The following DOCK11 variants were observed in gnomAD, a reference collection of about 807,000 sequenced individuals.
The protein encoded by DOCK11 is dedicator of cytokinesis 11.
A neutral mutation model predicts 169.1 loss-of-function variants in DOCK11; 70 were observed. That is an observed-to-expected ratio of 0.41 (90% CI 0.34 to 0.51). DOCK11 has a LOEUF of 0.51. DOCK11 is among the 20% of genes least tolerant of loss of function. The probability of loss-of-function intolerance (pLI) is 0.10; values close to 1 mark genes in which losing one functional copy is unlikely to be tolerated. For synonymous variants in DOCK11, 529 were observed against 541.3 expected (o/e 0.98, Z 0.32); for missense variants, 1,166 against 1,538.8 (o/e 0.76, Z 4.05).
chrX:118,577,297 G>A (rs746700758), intron 12 of DOCK11, among the ~76,000 whole-genome samples: 4 of 112,097 alleles, frequency 3.6e-5, no homozygotes, highest in African/African-American at 1.3e-4. Context: ...GCATGTTCCC[G>A]GCAGTACCCG....
chrX:118,614,467 T>C (rs191218104), intron 28 of DOCK11, among the ~76,000 whole-genome samples: 37 of 111,824 alleles, frequency 3.3e-4, no homozygotes, highest in African/African-American at 1.1e-3. Flanking sequence ...TACATCTTGT[T>C]CTGAAAACTG....
rs550844405 is a variant in DOCK11 at position 118,641,322 on chromosome X, A to G, written c.4260+17A>G. On this transcript the variant is annotated intron_variant, in intron 39 of 52. Coordinates refer to ENST00000276202, the MANE Select transcript of DOCK11 (RefSeq NM_144658.4). ...TGCTTCAAGGTAAAAATGAAGAGTT[A>G]TAATTCAGTTGGTACCATTGCAAAG... 9.2e-7 allele frequency: 1 copy of G among 1,085,877 alleles called. No individual in the cohort carries two copies. The highest frequency in any genetic ancestry group is 1.3e-6 in the Non-Finnish European group (1 of 782,893). 89.5% of individuals were successfully genotyped at this position (1,085,877 alleles called of 1,213,427 possible). A position where few individuals can be genotyped will look rare whatever the true frequency, so the allele number is the denominator to read the frequency against.
intron 1 of DOCK11, among the ~76,000 whole-genome samples, chrX:118,517,705 A>G (rs980615691): frequency 6.3e-5 from 7 of 111,545 alleles, no homozygotes; most frequent in African/African-American, 2.3e-4. Flanking sequence ...CTGCTAGATC[A>G]TTAAAATTAG....
intron 1 of DOCK11, among the ~76,000 whole-genome samples, chrX:118,515,104 A>C (rs2057674130): frequency 8.9e-6 from 1 of 111,992 alleles, no homozygotes; most frequent in Admixed American, 9.4e-5. Context: ...CTCTGTGGTC[A>C]CATTGCCACC....
chrX:118,597,940 T>C (rs1163956141), intron 21 of DOCK11, 90 bp from the exon 22 acceptor site: 2 of 686,804 alleles, frequency 2.9e-6, no homozygotes, highest in African/African-American at 4.4e-5. Context: ...ATACATTCAT[T>C]TCTGAAAAAA....
At chrX:118,536,410 A>G (rs775154253) in intron 1 of DOCK11, among the ~76,000 whole-genome samples, 1 of 111,838 alleles carries the variant, frequency 8.9e-6, no homozygotes, top group Non-Finnish European at 1.9e-5. Context: ...TGTGAATCAT[A>G]ATGCAACTTT....
At chrX:118,601,222 G>A (rs2014327462) in intron 23 of DOCK11, among the ~76,000 whole-genome samples, 1 of 110,166 alleles carries the variant, frequency 9.1e-6, no homozygotes, top group Admixed American at 9.6e-5. Context: ...CCAGGAGTTC[G>A]AGACCAGCCT....
chrX:118,573,571 C>T (rs940068471), intron 11 of DOCK11, among the ~76,000 whole-genome samples: 7 of 111,874 alleles, frequency 6.3e-5, no homozygotes, highest in Non-Finnish European at 1.3e-4. Flanking sequence ...AACTTTATAA[C>T]TTGTGAAATT....
At chrX:118,636,504 C>A in intron 36 of DOCK11, 92 bp downstream of exon 36, 3 of 382,490 alleles carry the variant, frequency 7.8e-6, no homozygotes, top group Non-Finnish European at 1.3e-5. Flanking sequence ...AGCTTATTTG[C>A]TAATAATGTA....
At chrX:118,564,312 C>T (rs373094966) in intron 7 of DOCK11, among the ~76,000 whole-genome samples, 7 of 112,805 alleles carry the variant, frequency 6.2e-5, no homozygotes, top group South Asian at 3.6e-4. Context: ...TTCATCCTTT[C>T]GTAGACTTCA....
intron 6 of DOCK11, among the ~76,000 whole-genome samples, chrX:118,552,341 T>A (rs2012526864): frequency 8.9e-6 from 1 of 111,880 alleles, no homozygotes; most frequent in African/African-American, 3.2e-5. Flanking sequence ...AGTCGACAGT[T>A]CTTGCAATGA....
chrX:118,648,341 G>T (rs1411506156), intron 40 of DOCK11, among the ~76,000 whole-genome samples: 6 of 93,814 alleles, frequency 6.4e-5, no homozygotes, highest in Non-Finnish European at 1.0e-4. Context: ...TTGAAAGAAT[G>T]CCTGAAATGA....
intron 20 of DOCK11, among the ~76,000 whole-genome samples, chrX:118,597,219 TA>T (rs2014193838): frequency 9.0e-6 from 1 of 111,528 alleles, no homozygotes; most frequent in African/African-American, 3.3e-5. Flanking sequence ...GTCAAAGAAA[TA>T]GAGTACATAA....
rs766355616 is a variant in DOCK11, at chrX:118,681,252, C to T, written c.5862+4C>T. On this transcript the variant is annotated splice_donor_region_variant and intron_variant, in intron 50 of 52. Transcript: ENST00000276202. ...GCAGGGCTGTGTTTCTGTGCAGGTA[C>T]GTTGGTCATCCAACATGTATTGAAT... is the stretch of plus-strand genomic sequence containing the variant. 22 of 1,166,169 alleles carry T rather than the reference C, an allele frequency of 1.9e-5. No homozygotes were observed. The highest frequency in any genetic ancestry group is 1.2e-4 in the South Asian group (6 of 48,362).
intron 41 of DOCK11, among the ~76,000 whole-genome samples, chrX:118,650,553 C>G (rs2015921297): frequency 8.9e-6 from 1 of 111,935 alleles, no homozygotes; most frequent in African/African-American, 3.2e-5. Flanking sequence ...AATAGGAATA[C>G]TGTGTATGCT....
At chrX:118,634,190 G>T (rs1036137249) in intron 35 of DOCK11, 2 of 111,742 alleles carry the variant, frequency 1.8e-5, no homozygotes, top group Admixed American at 1.9e-4. Flanking sequence ...CTCTTTTAGC[G>T]CCAGCCATGT....
intron 39 of DOCK11, among the ~76,000 whole-genome samples, chrX:118,643,109 A>G (rs983298561): frequency 1.8e-5 from 2 of 111,794 alleles, no homozygotes; most frequent in Non-Finnish European, 3.8e-5. Flanking sequence ...AGAAATACAA[A>G]GGCTGATTTG....
intron 1 of DOCK11, among the ~76,000 whole-genome samples, chrX:118,538,993 G>C (rs535980178): frequency 3.3e-4 from 37 of 111,439 alleles, no homozygotes; most frequent in Middle Eastern, 4.6e-3. Context: ...CCTACTAGAA[G>C]GGAAATGCAG....
intron 1 of DOCK11, chrX:118,538,634 C>T (rs1945445893): frequency 1.4e-6 from 1 of 718,204 alleles, no homozygotes; most frequent in African/African-American, 2.3e-5. Flanking sequence ...GCATAAATGC[C>T]TTCGCCTTTT....
Sources: gnomAD v4.1 joint callset for allele counts (sites outside exome capture counted in the v4.1 genomes callset) on GRCh38, gnomAD v4.1.1 for gene constraint, MANE v1.5 for transcripts, NCBI Gene and HGNC (gene_info 2026-07-23, HGNC 2026-07-21) for gene names.